The following SLC39A9 variants were observed in gnomAD, a reference collection of about 807,000 sequenced individuals.
SLC39A9 encodes the protein solute carrier family 39 member 9, also known as zinc transporter ZIP9.
In SLC39A9, 14 loss-of-function variants were observed where a neutral mutation model predicts 28.4. The observed-to-expected ratio is 0.49, with a 90% CI of 0.33 to 0.77. SLC39A9 has a LOEUF of 0.77. Among genes scored for constraint, SLC39A9 ranks in the 30% least tolerant of loss-of-function variants. The probability of loss-of-function intolerance (pLI) is 0.02; values close to 1 mark genes in which losing one functional copy is unlikely to be tolerated. For missense variants in SLC39A9, 283 were observed against 381.1 expected (o/e 0.74, Z 2.14); for synonymous variants, 119 against 149.6 (o/e 0.80, Z 1.49).
intron 2 of SLC39A9, chr14:69,441,784 T>G (rs1422397268): frequency 9.0e-7 from 1 of 1,117,044 alleles, no homozygotes; most frequent in African/African-American, 1.6e-5. Flanking sequence ...GGTGTCCCTT[T>G]GGGAATATGA....
chr14:69,452,729 A>C (rs764216672), intron 3 of SLC39A9, among the ~76,000 whole-genome samples: 18 of 152,254 alleles, frequency 1.2e-4, no homozygotes, highest in Non-Finnish European at 1.9e-4. Flanking sequence ...TTTAGGTTTG[A>C]GTGATGAAAA....
At chr14:69,406,143 T>G (rs1215384598) in intron 1 of SLC39A9, among the ~76,000 whole-genome samples, 6 of 151,860 alleles carry the variant, frequency 4.0e-5, no homozygotes, top group Admixed American at 3.3e-4. Flanking sequence ...TAGGAACATC[T>G]TTCATACCTT....
chr14:69,445,486 C>T lies in SLC39A9; in HGVS notation c.403+3220C>T, dbSNP rs574002011. On this transcript the variant is annotated intron_variant, in intron 3 of 6. Coordinates refer to ENST00000336643, the MANE Select transcript of SLC39A9 (RefSeq NM_018375.5). ...ATTAATACATATAACAAATAAAATA[C>T]GTGTTAATCGACTTTGTTATCATTA... Among the ~76,000 whole-genome samples the T allele has an allele frequency of 3.8e-4, 58 of 152,152 alleles. No homozygotes were observed. The Middle Eastern group carries it at 0.024, about 62-fold the overall frequency.
chr14:69,398,510 T>C, upstream of SLC39A9: 1 of 568,302 alleles, frequency 1.8e-6, no homozygotes, highest in South Asian at 2.0e-5. Context: ...CTGTCTTCCG[T>C]ACTTTCGTTA....
rs1886109377 is a variant in SLC39A9, at chr14:69,461,486, G to T, written c.*2893G>T. 30 of 1,423,212 alleles carry T rather than the reference G, an allele frequency of 2.1e-5. No homozygotes were observed. In the East Asian group the frequency reaches 7.7e-4, roughly 36 times the overall value. 88.2% of individuals were successfully genotyped at this position (1,423,212 alleles called of 1,614,324 possible). A position where few individuals can be genotyped will look rare whatever the true frequency, so the allele number is the denominator to read the frequency against. Reference sequence around the variant, plus strand: ...ACAGTACTACCTACCTAGAGGTTATGTGTTTTCTCTTTCTCCCCGCTTTCA... The same window carrying T: ...ACAGTACTACCTACCTAGAGGTTATTTGTTTTCTCTTTCTCCCCGCTTTCA... On this transcript the variant is annotated 3_prime_UTR_variant, in exon 7 of 7. Coordinates refer to ENST00000336643, the MANE Select transcript of SLC39A9 (RefSeq NM_018375.5).
At chr14:69,416,804 C>A (rs1204803669) in intron 1 of SLC39A9, among the ~76,000 whole-genome samples, 1 of 152,176 alleles carries the variant, frequency 6.6e-6, no homozygotes, top group Non-Finnish European at 1.5e-5. Flanking sequence ...CCTTTGCCCA[C>A]TTTTTGATGG....
At position 69,427,428 on chromosome 14, in the gene SLC39A9, A is replaced by C. The variant is rs567390415; in HGVS notation, c.205+3226A>C. ...TTAGTTTCCAGCCCTAAGTCATTTA[A>C]ATTTTTTAAAAAATATTTTCATTTA... On this transcript the variant is annotated intron_variant, in intron 2 of 6. Transcript: ENST00000336643. Among the ~76,000 whole-genome samples the C allele has an allele frequency of 5.5e-4, 84 of 152,292 alleles. 1 individual carries two copies. The South Asian group carries it at 6.0e-3, about 11-fold the overall frequency.
At chr14:69,425,631 C>A (rs1222460554) in intron 2 of SLC39A9, among the ~76,000 whole-genome samples, 4 of 151,342 alleles carry the variant, frequency 2.6e-5, no homozygotes, top group African/African-American at 4.8e-5. Context: ...AATTTACATA[C>A]CCTGTTTCAG....
At chr14:69,455,711 G>C in intron 5 of SLC39A9, 21 bp from the exon 6 acceptor site, 1 of 1,613,976 alleles carries the variant, frequency 6.2e-7, no homozygotes, top group Non-Finnish European at 8.5e-7. Flanking sequence ...ATGATAATAA[G>C]AGATGATTTT....
At position 69,447,111 on chromosome 14, in the gene SLC39A9, G is replaced by A. The variant is rs1475002857; in HGVS notation, c.403+4845G>A. On this transcript the variant is annotated intron_variant, in intron 3 of 6. Coordinates refer to ENST00000336643, the MANE Select transcript of SLC39A9 (RefSeq NM_018375.5). ...CACGCATCATCAATGAATGTTAAAT[G>A]TAGGGGGCAAATTTTTATTTCCTTA... Among the ~76,000 whole-genome samples the A allele has an allele frequency of 3.9e-5, 6 of 152,210 alleles. No homozygotes were observed. The East Asian group carries it at 7.7e-4, about 20-fold the overall frequency.
At chr14:69,411,066 G>T (rs1451123037) in intron 1 of SLC39A9, among the ~76,000 whole-genome samples, 2 of 151,998 alleles carry the variant, frequency 1.3e-5, no homozygotes, top group East Asian at 3.9e-4. Context: ...ACAAAAATTA[G>T]CTGGGCATGA....
chr14:69,422,697 G>A (rs898105968), intron 1 of SLC39A9, among the ~76,000 whole-genome samples: 1 of 152,168 alleles, frequency 6.6e-6, no homozygotes, highest in African/African-American at 2.4e-5. Context: ...TGATTCTCCT[G>A]TCTCAGACTC....
At chr14:69,433,279 T>A (rs1884581982) in intron 2 of SLC39A9, among the ~76,000 whole-genome samples, 1 of 152,192 alleles carries the variant, frequency 6.6e-6, no homozygotes, top group African/African-American at 2.4e-5. Context: ...TAGACTTGCA[T>A]ATACCCACCT....
chr14:69,457,206 AT>A (rs1201687954), intron 6 of SLC39A9, among the ~76,000 whole-genome samples: 5 of 148,946 alleles, frequency 3.4e-5, no homozygotes, highest in South Asian at 2.1e-4. Context: ...ACACACACAC[AT>A]TTTTTTTTTC....
intron 2 of SLC39A9, among the ~76,000 whole-genome samples, chr14:69,437,594 G>GT (rs533128992): frequency 0.13 from 18,201 of 143,294 alleles, 1,311 homozygotes; most frequent in Middle Eastern, 0.25. Flanking sequence ...TTTTTTGTTT[G>GT]TTTTTTTTTT....
intron 1 of SLC39A9, among the ~76,000 whole-genome samples, chr14:69,402,687 A>C (rs1024043167): frequency 6.6e-6 from 1 of 152,206 alleles, no homozygotes; most frequent in South Asian, 2.1e-4. Flanking sequence ...TTATAAAACA[A>C]AGGAAAAAAA....
chr14:69,454,094 C>T (rs1885743336), intron 4 of SLC39A9, among the ~76,000 whole-genome samples: 1 of 152,146 alleles, frequency 6.6e-6, no homozygotes, highest in Non-Finnish European at 1.5e-5. Context: ...GAATCATAAC[C>T]CAAACCTAGT....
chr14:69,459,117 C>G lies in SLC39A9; in HGVS notation c.*524C>G, dbSNP rs1886001351. The G allele has an allele frequency of 1.0e-6, 1 of 986,206 alleles. No individual in the cohort carries two copies. Among genetic ancestry groups the G allele is most frequent in the Non-Finnish European group, 1.2e-6 (1 of 830,224 alleles). 61.1% of individuals were successfully genotyped at this position (986,206 alleles called of 1,614,324 possible). ...ACTCACTTAGATGCTAAAGGTGATT[C>G]TAGTTAATCTGGGATTAGGGTCAGG... On this transcript the variant is annotated 3_prime_UTR_variant, in exon 7 of 7. Coordinates refer to ENST00000336643, the MANE Select transcript of SLC39A9 (RefSeq NM_018375.5).
intron 1 of SLC39A9, among the ~76,000 whole-genome samples, chr14:69,412,449 GC>G: frequency 6.6e-6 from 1 of 151,788 alleles, no homozygotes; most frequent in Non-Finnish European, 1.5e-5. Flanking sequence ...GTATCTGCAT[GC>G]CCCTTGAGTG....
Sources: allele counts gnomAD v4.1 joint callset (sites outside exome capture counted in the v4.1 genomes callset), GRCh38; gene constraint gnomAD v4.1.1; transcripts MANE v1.5; gene names NCBI Gene and HGNC (gene_info 2026-07-23, HGNC 2026-07-21).